Variants in TGM6 observed in about 807,000 individuals in gnomAD.
The protein encoded by TGM6 is protein-glutamine gamma-glutamyltransferase 6.
A neutral mutation model predicts 77.5 loss-of-function variants in TGM6; 74 were observed. The observed-to-expected ratio is 0.96, with a 90% CI of 0.79 to 1.16. The LOEUF (loss-of-function observed/expected upper bound fraction) is 1.16. Among genes scored for constraint, TGM6 ranks in the 50% most tolerant of loss-of-function variants. TGM6 has a pLI of 0.00. For synonymous variants in TGM6, 383 were observed against 378.9 expected, an observed-to-expected ratio of 1.01 and a Z score of -0.12; for missense variants, 968 against 940.2, an observed-to-expected ratio of 1.03 and a Z score of -0.39.
intron 1 of TGM6, among the ~76,000 whole-genome samples, chr20:2,390,651 A>G (rs969560234): frequency 1.3e-5 from 2 of 152,242 alleles, no homozygotes; most frequent in African/African-American, 2.4e-5. Context: ...AGGCAATTAA[A>G]ATAAAGAAAT....
intron 10 of TGM6, among the ~76,000 whole-genome samples, chr20:2,421,400 A>G (rs1299403337): frequency 6.6e-6 from 1 of 152,224 alleles, no homozygotes; most frequent in Non-Finnish European, 1.5e-5. Context: ...TATCATTTTG[A>G]ATTCCCACCA....
chr20:2,422,187 TC>T (rs2084861415), intron 10 of TGM6, among the ~76,000 whole-genome samples: 1 of 152,338 alleles, frequency 6.6e-6, no homozygotes, highest in East Asian at 1.9e-4. Flanking sequence ...TCCCATGTTA[TC>T]TTTAAGAGTT....
intron 9 of TGM6, among the ~76,000 whole-genome samples, chr20:2,413,951 T>C (rs2122399979): frequency 6.6e-6 from 1 of 152,266 alleles, no homozygotes; most frequent in East Asian, 1.9e-4. Context: ...AGTGGAAAGA[T>C]AGCCCATGGA....
At chr20:2,401,301 A>G (rs1313387208) in intron 7 of TGM6, among the ~76,000 whole-genome samples, 1 of 152,184 alleles carries the variant, frequency 6.6e-6, no homozygotes, top group Non-Finnish European at 1.5e-5. Flanking sequence ...AATGGGTTGC[A>G]GTGATGTCTC....
chr20:2,389,592 G>A (rs1186077181), intron 1 of TGM6, among the ~76,000 whole-genome samples: 1 of 152,070 alleles, frequency 6.6e-6, no homozygotes, highest in Admixed American at 6.6e-5. Flanking sequence ...TCACCAACCT[G>A]AAATTGAATT....
intron 1 of TGM6, 107 bp from the exon 2 acceptor site, chr20:2,394,345 G>A (rs2084647268): frequency 7.8e-7 from 1 of 1,283,158 alleles, no homozygotes; most frequent in East Asian, 2.3e-5. Context: ...ATGATAAATA[G>A]CAGCTGGATG....
At chr20:2,401,174 C>T (rs940868459) in intron 7 of TGM6, among the ~76,000 whole-genome samples, 1 of 151,182 alleles carries the variant, frequency 6.6e-6, no homozygotes, top group African/African-American at 2.4e-5. Flanking sequence ...TGCCACTGCG[C>T]TCCAGCCTGG....
chr20:2,399,141 A>G (rs1235882610), intron 5 of TGM6, among the ~76,000 whole-genome samples: 1 of 90,396 alleles, frequency 1.1e-5, no homozygotes, highest in East Asian at 2.6e-4. Flanking sequence ...TTTGCATCTG[A>G]AAAAAAAAAA....
Position 2,430,883 on chromosome 20 carries a change from G to A in TGM6, c.1834-11G>A. ...GTAGGCGCGATGGCTCATGGGTGTT[G>A]TCCCCTTCAGGTTCTGGGCCCAGCC... On this transcript the variant is annotated splice_polypyrimidine_tract_variant and intron_variant, in intron 11 of 12. Coordinates refer to ENST00000202625, the MANE Select transcript of TGM6 (RefSeq NM_198994.3). The A allele has an allele frequency of 6.2e-7, 1 of 1,614,140 alleles. No homozygotes were observed. Among genetic ancestry groups the A allele is most frequent in the Non-Finnish European group, 8.5e-7 (1 of 1,180,036 alleles).
chr20:2,388,432 G>A (rs1438428900), intron 1 of TGM6, among the ~76,000 whole-genome samples: 2 of 152,102 alleles, frequency 1.3e-5, no homozygotes, highest in African/African-American at 4.8e-5. Context: ...GGATAGACAA[G>A]CCACCAACTC....
chr20:2,400,107 G>A (rs920230556), intron 6 of TGM6, among the ~76,000 whole-genome samples, 199 bp from the exon 7 acceptor site: 1 of 152,210 alleles, frequency 6.6e-6, no homozygotes, highest in African/African-American at 2.4e-5. Flanking sequence ...AAGTCCTTGA[G>A]AGAACGTGCA....
At chr20:2,389,435 C>T (rs984651336) in intron 1 of TGM6, among the ~76,000 whole-genome samples, 10 of 152,290 alleles carry the variant, frequency 6.6e-5, no homozygotes, top group African/African-American at 2.4e-4. Context: ...CCCACAAAAA[C>T]CATGAAAGAT....
intron 1 of TGM6, among the ~76,000 whole-genome samples, chr20:2,388,013 C>T (rs1453737751): frequency 6.6e-6 from 1 of 152,082 alleles, no homozygotes; most frequent in Admixed American, 6.6e-5. Flanking sequence ...AGCAAGCAAC[C>T]CAAGGGAACC....
At chr20:2,382,908 G>A (rs542024943) in intron 1 of TGM6, among the ~76,000 whole-genome samples, 1 of 152,186 alleles carries the variant, frequency 6.6e-6, no homozygotes, top group South Asian at 2.1e-4. Flanking sequence ...GGCAAAGGAG[G>A]TGAGACCCTT....
At chr20:2,408,720 A>T (rs2084767530) in intron 9 of TGM6, among the ~76,000 whole-genome samples, 1 of 152,108 alleles carries the variant, frequency 6.6e-6, no homozygotes, top group Non-Finnish European at 1.5e-5. Flanking sequence ...TATAAGCCAC[A>T]TTTTCACATT....
At position 2,397,982 on chromosome 20, in the gene TGM6, A is replaced by G. The variant is rs199924783; in HGVS notation, c.608A>G (p.Asn203Ser). Reference sequence around the variant, plus strand: ...GATCGAAGCCCCGGTCACCAAAACAACCCAGCCACCGACGTGTCCTGCCGC... The same window carrying G: ...GATCGAAGCCCCGGTCACCAAAACAGCCCAGCCACCGACGTGTCCTGCCGC... ...ILDRSPGHQN[N>S]PATDVSCRHN... is the part of the protein sequence containing the mutation. Residue 203 changes from asparagine (N) to serine (S), a missense_variant, in exon 5 of 13, where the codon AAC becomes AGC. Physicochemically the swap from Asn to Ser is conservative, Grantham distance 46. Transcript: ENST00000202625. 5.6e-5 allele frequency: 90 copies of G among 1,613,876 alleles called. No individual in the cohort carries two copies. Among genetic ancestry groups the G allele is most frequent in the Non-Finnish European group, 7.6e-5 (90 of 1,179,998 alleles).
At chr20:2,416,905 G>T (rs912560340) in intron 9 of TGM6, among the ~76,000 whole-genome samples, 5 of 151,986 alleles carry the variant, frequency 3.3e-5, no homozygotes, top group Non-Finnish European at 5.9e-5. Flanking sequence ...TGTTAAATGT[G>T]GGTGATGATA....
At position 2,399,746 on chromosome 20, in the gene TGM6, G is replaced by A. The variant is rs758192581; in HGVS notation, c.850+8G>A. On this transcript the variant is annotated splice_region_variant and intron_variant, in intron 6 of 12. Transcript: ENST00000202625. ...CCGGAGTCCTGTGCACAGGTACCCT[G>A]GGAGAGAAGGGCCCCAGGGTACCTG... is the stretch of plus-strand genomic sequence containing the variant. 6.2e-7 allele frequency: 1 copy of A among 1,612,372 alleles called. No homozygotes were observed. The highest frequency in any genetic ancestry group is 2.2e-5 in the East Asian group (1 of 44,822).
chr20:2,413,858 G>A (rs189487427), intron 9 of TGM6, among the ~76,000 whole-genome samples: 5 of 152,208 alleles, frequency 3.3e-5, no homozygotes, highest in East Asian at 1.9e-4. Context: ...TTTCAGAAAC[G>A]ACATCAAAAG....
Sources: allele counts gnomAD v4.1 joint callset (sites outside exome capture counted in the v4.1 genomes callset), GRCh38; gene constraint gnomAD v4.1.1; transcripts MANE v1.5; gene names NCBI Gene and HGNC (gene_info 2026-07-23, HGNC 2026-07-21).